Variants in SERPINB11 observed in about 807,000 individuals in gnomAD.
SERPINB11 encodes serpin B11.
Under a neutral mutation model 36.7 loss-of-function variants are expected in SERPINB11, and 32 were observed. The observed-to-expected ratio is 0.87, with a 90% CI of 0.66 to 1.17. The LOEUF is 1.17. Ranked by LOEUF, SERPINB11 falls within the 50% of genes most tolerant of loss-of-function variation. The probability of loss-of-function intolerance (pLI) is 0.00; values close to 1 mark genes in which losing one functional copy is unlikely to be tolerated. For missense variants in SERPINB11, 528 were observed against 458.4 expected (o/e 1.15, Z -1.39); for synonymous variants, 174 against 168.1 (o/e 1.04, Z -0.27).
rs1914765978 is a variant in SERPINB11, at chr18:63,720,080, C to T, written c.543C>T (p.Ala181=). The T allele has an allele frequency of 6.2e-7, 1 of 1,609,994 alleles. No individual in the cohort carries two copies. Among genetic ancestry groups the T allele is most frequent in the Non-Finnish European group, 8.5e-7 (1 of 1,176,812 alleles). The change falls in exon 6 of 8, where the codon GCC becomes GCT. Residue 181 remains alanine (A), a synonymous_variant. Transcript: ENST00000544088. ...DPSSVMVLVN[A]IYFKGQWQNK... ...CATCTGTAATGGTCCTGGTGAATGC[C>T]ATATATTTCAAAGGACAATGGCAAA...
intron 5 of SERPINB11, among the ~76,000 whole-genome samples, chr18:63,716,523 A>G (rs1395370641): frequency 6.6e-6 from 1 of 151,448 alleles, no homozygotes; most frequent in Non-Finnish European, 1.5e-5. Flanking sequence ...AGAATATATA[A>G]TGAACCCTAT....
At chr18:63,722,913 T>G in intron 7 of SERPINB11, 82 bp from the exon 8 acceptor site, 2 of 1,378,752 alleles carry the variant, frequency 1.5e-6, no homozygotes, top group Non-Finnish European at 1.9e-6. Context: ...CCACTCACAC[T>G]GAGAATTATA....
At chr18:63,716,183 T>A in intron 5 of SERPINB11, 31 bp downstream of exon 5, 1 of 1,424,216 alleles carries the variant, frequency 7.0e-7, no homozygotes, top group Non-Finnish European at 9.8e-7. Flanking sequence ...GTCTCTAAAC[T>A]CTGTGTTGTG....
At chr18:63,721,850 G>C (rs1437822197) in intron 7 of SERPINB11, among the ~76,000 whole-genome samples, 1 of 152,216 alleles carries the variant, frequency 6.6e-6, no homozygotes, top group Non-Finnish European at 1.5e-5. Context: ...GGCCATAACA[G>C]GTATGCTTAC....
At chr18:63,719,702 A>G (rs866578770) in intron 5 of SERPINB11, among the ~76,000 whole-genome samples, 5 of 152,132 alleles carry the variant, frequency 3.3e-5, no homozygotes, top group Non-Finnish European at 7.4e-5. Flanking sequence ...ATTACATAAT[A>G]TCTAAATAAG....
intron 1 of SERPINB11, among the ~76,000 whole-genome samples, chr18:63,709,650 A>AAAATAAAATAAAATAAAATAAAAT (rs1568183583): frequency 1.2e-5 from 1 of 81,092 alleles, no homozygotes; most frequent in Admixed American, 1.3e-4. Context: ...TAAAATAAAA[A>AAAATAAAATAAAATAAAATAAAAT]GTAAAATAAA....
intron 5 of SERPINB11, 146 bp from the exon 6 acceptor site, chr18:63,719,867 T>C (rs1469102558): frequency 7.0e-6 from 4 of 570,486 alleles, no homozygotes; most frequent in East Asian, 3.2e-5. Flanking sequence ...GAAGGCTCCA[T>C]GGCCAGGAGA....
At chr18:63,722,692 G>A (rs766238580) in intron 7 of SERPINB11, among the ~76,000 whole-genome samples, 1 of 152,208 alleles carries the variant, frequency 6.6e-6, no homozygotes, top group Non-Finnish European at 1.5e-5. Flanking sequence ...ACAGGACCAT[G>A]ACAACTTCAC....
chr18:63,712,461 C>A, intron 3 of SERPINB11, 104 bp from the exon 4 acceptor site: 2 of 1,168,860 alleles, frequency 1.7e-6, no homozygotes, highest in South Asian at 1.5e-5. Context: ...TATTCACAGC[C>A]CTTTTATTCA....
intron 5 of SERPINB11, among the ~76,000 whole-genome samples, chr18:63,719,162 T>C (rs974759287): frequency 1.3e-5 from 2 of 152,110 alleles, no homozygotes; most frequent in Non-Finnish European, 2.9e-5. Flanking sequence ...TGATTAGTGT[T>C]GTCTGTCATG....
intron 2 of SERPINB11, 32 bp downstream of exon 2, chr18:63,710,393 C>G: frequency 6.4e-7 from 1 of 1,563,748 alleles, no homozygotes; most frequent in Non-Finnish European, 8.7e-7. Flanking sequence ...TGTTCAGAAC[C>G]CAGAAGTCTT....
At chr18:63,706,047 T>A (rs1035755686) in intron 1 of SERPINB11, among the ~76,000 whole-genome samples, 1 of 152,234 alleles carries the variant, frequency 6.6e-6, no homozygotes. Context: ...AAAACCCTTC[T>A]GTTATATTTT....
At chr18:63,703,556 T>C (rs1048428941) in intron 1 of SERPINB11, among the ~76,000 whole-genome samples, 33 of 152,334 alleles carry the variant, frequency 2.2e-4, no homozygotes, top group African/African-American at 7.9e-4. Flanking sequence ...TTTTTAGGAA[T>C]GAGCATATGT....
At chr18:63,703,399 A>G (rs1914290649) in intron 1 of SERPINB11, among the ~76,000 whole-genome samples, 1 of 152,180 alleles carries the variant, frequency 6.6e-6, no homozygotes, top group Admixed American at 6.5e-5. Context: ...ATTAATTGCT[A>G]TGTGTTGGAG....
chr18:63,704,979 A>G (rs1039263450), intron 1 of SERPINB11, among the ~76,000 whole-genome samples: 14 of 152,260 alleles, frequency 9.2e-5, no homozygotes, highest in African/African-American at 3.1e-4. Flanking sequence ...AGAATGCAAC[A>G]GTTAGAAGGT....
chr18:63,719,892 C>T, intron 5 of SERPINB11, 121 bp from the exon 6 acceptor site: 1 of 716,154 alleles, frequency 1.4e-6, no homozygotes, highest in Non-Finnish European at 2.2e-6. Flanking sequence ...AGGAGTTCTT[C>T]TGGTATCTCA....
At chr18:63,710,426 C>A (rs777790898) in intron 2 of SERPINB11, 65 bp downstream of exon 2, 4 of 1,333,762 alleles carry the variant, frequency 3.0e-6, no homozygotes, top group Non-Finnish European at 4.1e-6. Context: ...TCTGGGTCAG[C>A]AAAATTAATT....
chr18:63,720,153 GAGGT>G lies in SERPINB11; in HGVS notation c.618_618+3del. 6.2e-7 allele frequency: 1 copy of G among 1,603,142 alleles called. No homozygotes were observed. The highest frequency in any genetic ancestry group is 1.7e-4 in the Middle Eastern group (1 of 5,784). On this transcript the variant is annotated splice_donor_variant and coding_sequence_variant, in exon 6 of 8. Coordinates refer to ENST00000544088, the MANE Select transcript of SERPINB11 (RefSeq NM_001370475.1). LOFTEE classifies it high-confidence loss of function. The stretch of plus-strand genomic sequence containing the variant: ...AGTTAAAAGTCCTTTTCAGCTAAGT[GAGGT>G]AAGTATTTTATTTTCAGACTCATGA...
intron 1 of SERPINB11, among the ~76,000 whole-genome samples, chr18:63,708,358 T>C (rs974906965): frequency 6.6e-6 from 1 of 152,136 alleles, no homozygotes; most frequent in African/African-American, 2.4e-5. Flanking sequence ...AGAAAGAAGA[T>C]AGGAGATTAT....
Sources: gnomAD v4.1 joint callset for allele counts (sites outside exome capture counted in the v4.1 genomes callset) on GRCh38, gnomAD v4.1.1 for gene constraint, MANE v1.5 for transcripts, NCBI Gene and HGNC (gene_info 2026-07-23, HGNC 2026-07-21) for gene names.